PTBP2: variants seen among roughly 807,000 people sequenced by gnomAD.
PTBP2 encodes the protein polypyrimidine tract binding protein 2, also known as polypyrimidine tract-binding protein 2.
A neutral mutation model predicts 61.4 loss-of-function variants in PTBP2; 13 were observed. That is an observed-to-expected ratio of 0.21 (90% confidence interval 0.14 to 0.34). The LOEUF is 0.34. PTBP2 is among the 10% of genes least tolerant of loss of function. The pLI is 1.00. For synonymous variants in PTBP2, 215 were observed against 218.5 expected (o/e 0.98, Z 0.14); for missense variants, 405 against 642.6 (o/e 0.63, Z 4.00).
chr1:96,778,152 G>GT (rs1553181889), intron 7 of PTBP2, among the ~76,000 whole-genome samples: 3 of 147,940 alleles, frequency 2.0e-5, no homozygotes, highest in African/African-American at 7.4e-5. Context: ...CATGATGTGG[G>GT]TTTCTATTAT....
chr1:96,725,934 G>T (rs1023016544), intron 2 of PTBP2, among the ~76,000 whole-genome samples: 1 of 151,408 alleles, frequency 6.6e-6, no homozygotes, highest in Non-Finnish European at 1.5e-5. Flanking sequence ...AATTAGCCGG[G>T]TGTGGTGACG....
At chr1:96,781,596 A>G (rs1658675339) in intron 7 of PTBP2, among the ~76,000 whole-genome samples, 1 of 151,988 alleles carries the variant, frequency 6.6e-6, no homozygotes, top group African/African-American at 2.4e-5. Flanking sequence ...TCTTTCAAGT[A>G]TCAGTTTAGA....
rs765463648 is a variant in PTBP2, at chr1:96,723,568, G to A, written c.13G>A (p.Val5Ile). 7 of 1,563,674 alleles carry A rather than the reference G, an allele frequency of 4.5e-6. No homozygotes were observed. Among genetic ancestry groups the A allele is most frequent in the East Asian group, 2.3e-5 (1 of 44,226 alleles). Residue 5 changes from valine to isoleucine, a missense_variant, in exon 2 of 14, where the codon GTC becomes ATC. Physicochemically the swap from Val to Ile is conservative, Grantham distance 29. Transcript: ENST00000674951. Reference sequence around the variant, plus strand: ...CTACTTATTTTTTCTTTGCAGAATCGTCACTGAGGTTGCAGTTGGCGTGAA... The same window carrying A: ...CTACTTATTTTTTCTTTGCAGAATCATCACTGAGGTTGCAGTTGGCGTGAA... MDGI[V>I]TEVAVGVKRG...
chr1:96,780,414 T>C (rs1056798594), intron 7 of PTBP2, among the ~76,000 whole-genome samples: 2 of 152,056 alleles, frequency 1.3e-5, no homozygotes, highest in African/African-American at 2.4e-5. Context: ...CTTTGTTGTT[T>C]ATTATCTCAT....
At chr1:96,801,286 ATTTTC>A (rs1394886587) in intron 8 of PTBP2, among the ~76,000 whole-genome samples, 1 of 152,074 alleles carries the variant, frequency 6.6e-6, no homozygotes, top group African/African-American at 2.4e-5. Flanking sequence ...ATATTACAGC[ATTTTC>A]TTTTATTTGA....
chr1:96,777,764 C>T lies in PTBP2; in HGVS notation c.597+15C>T. On this transcript the variant is annotated intron_variant, in intron 6 of 13. Coordinates refer to ENST00000674951, the MANE Select transcript of PTBP2 (RefSeq NM_021190.4). ...TTCTTCACCAAGTAAGTTTAATCTGCATAATTACCTATAAATTAGAGAAAT... is the reference window on the plus strand; with the variant it reads ...TTCTTCACCAAGTAAGTTTAATCTGTATAATTACCTATAAATTAGAGAAAT... 6.4e-7 allele frequency: 1 copy of T among 1,569,466 alleles called. No individual in the cohort carries two copies. Among genetic ancestry groups the T allele is most frequent in the Non-Finnish European group, 8.7e-7 (1 of 1,152,248 alleles).
At chr1:96,760,386 T>C (rs1391749938) in intron 3 of PTBP2, among the ~76,000 whole-genome samples, 1 of 151,030 alleles carries the variant, frequency 6.6e-6, no homozygotes, top group Non-Finnish European at 1.5e-5. Context: ...GATGAAGATG[T>C]GGAACTGTCT....
intron 8 of PTBP2, among the ~76,000 whole-genome samples, chr1:96,786,294 T>C (rs1659194889): frequency 6.6e-6 from 1 of 152,162 alleles, no homozygotes; most frequent in Admixed American, 6.5e-5. Context: ...CTAATAAGAA[T>C]TAACTACCTG....
chr1:96,767,752 C>T (rs1345622099), intron 3 of PTBP2, among the ~76,000 whole-genome samples: 1 of 152,100 alleles, frequency 6.6e-6, no homozygotes, highest in Non-Finnish European at 1.5e-5. Context: ...TAAGATACTA[C>T]AAAATGCAAA....
chr1:96,812,962 T>A (rs1431727348), intron 12 of PTBP2, 34 bp downstream of exon 12: 1 of 1,584,092 alleles, frequency 6.3e-7, no homozygotes, highest in South Asian at 1.1e-5. Context: ...TTGAGATACA[T>A]TCTATTTTGA....
intron 2 of PTBP2, among the ~76,000 whole-genome samples, chr1:96,725,580 G>GA (rs906316713): frequency 6.6e-6 from 1 of 150,974 alleles, no homozygotes; most frequent in African/African-American, 2.5e-5. Flanking sequence ...GAACACTTTA[G>GA]AAGATGATAA....
intron 2 of PTBP2, among the ~76,000 whole-genome samples, chr1:96,731,548 G>T (rs939215551): frequency 6.6e-6 from 1 of 152,080 alleles, no homozygotes; most frequent in East Asian, 1.9e-4. Context: ...AACATTTTTA[G>T]CCTCAGCTTC....
chr1:96,743,804 T>A (rs866227109), intron 2 of PTBP2, among the ~76,000 whole-genome samples: 10 of 152,192 alleles, frequency 6.6e-5, no homozygotes, highest in African/African-American at 1.2e-4. Flanking sequence ...TTCTTTTTTT[T>A]AAATTTCTAA....
At position 96,800,753 on chromosome 1, in the gene PTBP2, G is replaced by A. The variant is rs182845257; in HGVS notation, c.905-4047G>A. 1.2e-3 allele frequency among the ~76,000 whole-genome samples: 184 copies of A among 151,972 alleles called. 1 individual carries two copies. The highest frequency in any genetic ancestry group is 1.9e-3 in the Non-Finnish European group (128 of 67,950). ...GTCTCAAAAAATAAAGGGTGGGGAA[G>A]CTTTAGCCTAGGCTTTTAATTCTCA... On this transcript the variant is annotated intron_variant, in intron 8 of 13. Coordinates refer to ENST00000674951, the MANE Select transcript of PTBP2 (RefSeq NM_021190.4).
intron 5 of PTBP2, among the ~76,000 whole-genome samples, chr1:96,777,383 A>C (rs1658156368): frequency 6.6e-6 from 1 of 152,186 alleles, no homozygotes. Flanking sequence ...ATTTTTTTGA[A>C]TGAAATACTA....
downstream of PTBP2, chr1:96,816,405 C>T (rs1046501480): frequency 6.6e-6 from 1 of 152,110 alleles, no homozygotes; most frequent in Admixed American, 6.5e-5. Flanking sequence ...ATTCTTAGGA[C>T]TTAGCTGCTT....
chr1:96,789,811 A>G (rs896795853), intron 8 of PTBP2, among the ~76,000 whole-genome samples: 3 of 152,090 alleles, frequency 2.0e-5, no homozygotes, highest in African/African-American at 7.2e-5. Flanking sequence ...GTTCTAAAGC[A>G]AATCCTTGAC....
At position 96,789,903 on chromosome 1, in the gene PTBP2, C is replaced by T. The variant is rs561738111; in HGVS notation, c.904+4649C>T. Among the ~76,000 whole-genome samples, 11 of 152,228 alleles carry T rather than the reference C, an allele frequency of 7.2e-5. 1 individual carries two copies. In the East Asian group the frequency reaches 1.7e-3, roughly 24 times the overall value. ...TTACCAAACCATAATATGATTATTA[C>T]ACTTACCAGAATTGACAATGATTTC... On this transcript the variant is annotated intron_variant, in intron 8 of 13. Coordinates refer to ENST00000674951, the MANE Select transcript of PTBP2 (RefSeq NM_021190.4).
intron 3 of PTBP2, among the ~76,000 whole-genome samples, chr1:96,767,930 C>G (rs948710618): frequency 1.3e-5 from 2 of 152,094 alleles, no homozygotes; most frequent in African/African-American, 4.8e-5. Context: ...CCAGAGCTTA[C>G]TCTTCTGTAC....
Sources: allele counts gnomAD v4.1 joint callset (sites outside exome capture counted in the v4.1 genomes callset), GRCh38; gene constraint gnomAD v4.1.1; transcripts MANE v1.5; gene names NCBI Gene and HGNC (gene_info 2026-07-23, HGNC 2026-07-21).